Variants in AVL9 observed in about 807,000 individuals in gnomAD.
AVL9 encodes AVL9 cell migration associated, also known as late secretory pathway protein AVL9 homolog.
Under a neutral mutation model 79.2 loss-of-function variants are expected in AVL9, and 49 were observed. The observed-to-expected ratio is 0.62, with a 90% CI of 0.49 to 0.79. The LOEUF (loss-of-function observed/expected upper bound fraction) is 0.79, where lower values mean the gene tolerates loss of function less well. Among genes scored for constraint, AVL9 ranks in the 30% least tolerant of loss-of-function variants. The pLI is 0.00. For missense variants in AVL9, 682 were observed against 776.8 expected (o/e 0.88, Z 1.45); for synonymous variants, 299 against 280.6 (o/e 1.07, Z -0.65).
At chr7:32,575,719 T>C (rs188532796) in intron 12 of AVL9, among the ~76,000 whole-genome samples, 1 of 152,278 alleles carries the variant, frequency 6.6e-6, no homozygotes, top group East Asian at 1.9e-4. Context: ...AACCCTCTTA[T>C]TTTCCAGTTA....
intron 3 of AVL9, among the ~76,000 whole-genome samples, chr7:32,546,084 A>T (rs58808152): frequency 0.45 from 34,709 of 77,528 alleles, 5,020 homozygotes; most frequent in Admixed American, 0.57. Flanking sequence ...TTTTTTTTTT[A>T]AATATCTGTA....
intron 1 of AVL9, among the ~76,000 whole-genome samples, chr7:32,511,236 T>C (rs4723164): frequency 7.1e-6 from 1 of 140,324 alleles, no homozygotes; most frequent in African/African-American, 2.6e-5. Flanking sequence ...ATCAAGTCTC[T>C]TTGGGAGAAT....
intron 10 of AVL9, among the ~76,000 whole-genome samples, chr7:32,568,239 C>G (rs555576168): frequency 6.7e-6 from 1 of 148,684 alleles, no homozygotes; most frequent in Non-Finnish European, 1.5e-5. Flanking sequence ...CTTACTCTGT[C>G]GCCCAGGCTG....
At chr7:32,559,704 C>T (rs565851140) in intron 10 of AVL9, among the ~76,000 whole-genome samples, 1 of 152,182 alleles carries the variant, frequency 6.6e-6, no homozygotes, top group South Asian at 2.1e-4. Flanking sequence ...GAGTCATATG[C>T]ACAATCACTC....
At chr7:32,495,862 C>A in intron 1 of AVL9, 60 bp downstream of exon 1, 5 of 1,102,012 alleles carry the variant, frequency 4.5e-6, no homozygotes, top group Non-Finnish European at 5.9e-6. Context: ...TCCGGGGCCC[C>A]CCTGCCCTGC....
chr7:32,546,550 C>T (rs1270573578), intron 3 of AVL9, among the ~76,000 whole-genome samples: 3 of 152,114 alleles, frequency 2.0e-5, no homozygotes, highest in East Asian at 1.9e-4. Context: ...GGCTGGACCC[C>T]GGTGGCTCAC....
intron 1 of AVL9, among the ~76,000 whole-genome samples, chr7:32,525,202 G>A (rs915042908): frequency 4.6e-5 from 7 of 152,306 alleles, no homozygotes; most frequent in African/African-American, 1.4e-4. Context: ...TTTGGGTGAA[G>A]TATATTTTTG....
intron 13 of AVL9, among the ~76,000 whole-genome samples, chr7:32,579,712 T>C (rs1791415476): frequency 7.1e-6 from 1 of 141,288 alleles, no homozygotes; most frequent in Non-Finnish European, 1.5e-5. Flanking sequence ...GCTGTTTTTT[T>C]TTAAGACCTG....
chr7:32,539,809 T>A (rs1313081937), intron 1 of AVL9, among the ~76,000 whole-genome samples: 1 of 152,198 alleles, frequency 6.6e-6, no homozygotes, highest in Non-Finnish European at 1.5e-5. Context: ...CTCGATTTTC[T>A]TGCTGTTTCC....
chr7:32,527,175 C>T (rs1466183030), intron 1 of AVL9, among the ~76,000 whole-genome samples: 1 of 152,102 alleles, frequency 6.6e-6, no homozygotes, highest in East Asian at 1.9e-4. Context: ...AGGGACTTTG[C>T]CTCCTGAGCT....
intron 3 of AVL9, among the ~76,000 whole-genome samples, chr7:32,547,347 T>TA (rs1182454590): frequency 6.6e-6 from 1 of 152,212 alleles, no homozygotes; most frequent in Non-Finnish European, 1.5e-5. Context: ...AAACGCTGCC[T>TA]AAAAAATGGA....
intron 10 of AVL9, among the ~76,000 whole-genome samples, chr7:32,561,915 G>T (rs1229266269): frequency 2.6e-5 from 4 of 152,162 alleles, no homozygotes; most frequent in Non-Finnish European, 5.9e-5. Flanking sequence ...GGGATAGGGA[G>T]GCCTGAGGAC....
chr7:32,559,320 G>A lies in AVL9; in HGVS notation c.1071G>A (p.Leu357=), dbSNP rs1562788588. The change falls in exon 10 of 16, where the codon TTG becomes TTA. Residue 357 remains leucine (L), a synonymous_variant. Coordinates refer to ENST00000318709, the MANE Select transcript of AVL9 (RefSeq NM_015060.3). ...REQLGSDQTN[L]FPKDSVPSES... ...AGCTGGGATCAGACCAGACAAATTT[G>A]TTTCCAAAGGACTCTGTCCCCTCAG... 6.2e-7 allele frequency: 1 copy of A among 1,614,164 alleles called. No individual in the cohort carries two copies. The highest frequency in any genetic ancestry group is 1.1e-5 in the South Asian group (1 of 91,086).
intron 1 of AVL9, chr7:32,538,787 C>T (rs1562773764): frequency 6.6e-6 from 1 of 152,098 alleles, no homozygotes. Flanking sequence ...TTGTCCAAGA[C>T]CCCAAGAGCA....
chr7:32,530,889 G>A (rs1788617082), intron 1 of AVL9, among the ~76,000 whole-genome samples: 1 of 152,144 alleles, frequency 6.6e-6, no homozygotes, highest in Non-Finnish European at 1.5e-5. Flanking sequence ...CCAGAAGGCG[G>A]AGGTTGCAAT....
chr7:32,524,584 TCTAA>T (rs1788321163), intron 1 of AVL9, among the ~76,000 whole-genome samples: 8 of 93,810 alleles, frequency 8.5e-5, no homozygotes, highest in East Asian at 2.7e-4. Flanking sequence ...GGGTATTATA[TCTAA>T]CTGAGGGATG....
At chr7:32,576,329 T>C (rs951780358) in intron 13 of AVL9, among the ~76,000 whole-genome samples, 1 of 152,198 alleles carries the variant, frequency 6.6e-6, no homozygotes, top group African/African-American at 2.4e-5. Flanking sequence ...AGGAAGTCCC[T>C]GGCACTTGGT....
intron 13 of AVL9, 50 bp downstream of exon 13, chr7:32,576,122 GT>G (rs774258524): frequency 1.6e-6 from 2 of 1,251,770 alleles, no homozygotes; most frequent in South Asian, 2.4e-5. Context: ...TGGTTTACGA[GT>G]GCCCAATACA....
At chr7:32,561,246 ATCT>A (rs2128142963) in intron 10 of AVL9, among the ~76,000 whole-genome samples, 1 of 152,358 alleles carries the variant, frequency 6.6e-6, no homozygotes, top group South Asian at 2.1e-4. Flanking sequence ...CCTAGATGGC[ATCT>A]TCTTCCAATA....
Sources: allele counts gnomAD v4.1 joint callset (sites outside exome capture counted in the v4.1 genomes callset), GRCh38; gene constraint gnomAD v4.1.1; transcripts MANE v1.5; gene names NCBI Gene and HGNC (gene_info 2026-07-23, HGNC 2026-07-21).